Variants in GMDS observed in about 807,000 individuals in gnomAD.
The protein encoded by GMDS is GDP-mannose 4,6 dehydratase.
Under a neutral mutation model 49.9 loss-of-function variants are expected in GMDS, and 20 were observed. The ratio of observed to expected loss-of-function variants is 0.40; its 90% CI spans 0.28 to 0.58. The LOEUF is 0.58. Ranked by LOEUF, GMDS falls within the 20% of genes least tolerant of loss-of-function variation. The pLI, the probability that GMDS is intolerant of heterozygous loss-of-function variation, is 0.42. For synonymous variants in GMDS, 177 were observed against 178.6 expected (o/e 0.99, Z 0.07); for missense variants, 362 against 481.4 (o/e 0.75, Z 2.32).
intron 9 of GMDS, among the ~76,000 whole-genome samples, chr6:1,629,965 T>C (rs974337996): frequency 3.3e-5 from 5 of 152,208 alleles, no homozygotes; most frequent in African/African-American, 1.2e-4. Flanking sequence ...ATATGCCTAC[T>C]TGTCAATAAA....
chr6:2,052,966 A>C lies in GMDS; in HGVS notation c.345+62805T>G, dbSNP rs577803632. The stretch of plus-strand genomic sequence containing the variant: ...AGCTTATAAACTTCTCATCGTTAGG[A>C]AACTTTTAGCTAAGTTTTTTCTGCT... On this transcript the variant is annotated intron_variant, in intron 4 of 10. Transcript: ENST00000380815. Among the ~76,000 whole-genome samples the C allele has an allele frequency of 1.2e-4, 19 of 152,338 alleles. No individual in the cohort carries two copies. The South Asian group carries it at 3.9e-3, about 32-fold the overall frequency.
chr6:2,180,156 C>T lies in GMDS; in HGVS notation c.103-55425G>A, dbSNP rs183107722. ...AGAGGACTAGCAACTGGCTGGCTAC[C>T]ACCATAGGCATAGACACCAGAGGTT... On this transcript the variant is annotated intron_variant, in intron 1 of 10. Transcript: ENST00000380815. Among the ~76,000 whole-genome samples the T allele has an allele frequency of 2.0e-5, 3 of 152,248 alleles. No homozygotes were observed. The East Asian group carries it at 5.8e-4, about 29-fold the overall frequency.
At chr6:1,740,722 A>C (rs1008308971) in intron 8 of GMDS, among the ~76,000 whole-genome samples, 4 of 152,192 alleles carry the variant, frequency 2.6e-5, no homozygotes, top group Admixed American at 6.5e-5. Context: ...TCTTCTTTAA[A>C]AAATAAAATA....
chr6:2,013,986 G>C (rs1283046409), intron 4 of GMDS, among the ~76,000 whole-genome samples: 2 of 136,448 alleles, frequency 1.5e-5, no homozygotes, highest in African/African-American at 2.9e-5. Flanking sequence ...AAAAACCAAA[G>C]AGAAAGAGAG....
chr6:2,186,607 A>C (rs1443652669), intron 1 of GMDS, among the ~76,000 whole-genome samples: 1 of 152,220 alleles, frequency 6.6e-6, no homozygotes, highest in Non-Finnish European at 1.5e-5. Flanking sequence ...AGCTGCCTTC[A>C]AGCATTTGCT....
At chr6:1,834,823 G>C (rs1756849560) in intron 7 of GMDS, among the ~76,000 whole-genome samples, 1 of 152,092 alleles carries the variant, frequency 6.6e-6, no homozygotes, top group African/African-American at 2.4e-5. Context: ...AACCCTGTTT[G>C]TTCCGTCCCC....
In GMDS at chr6:2,061,120, T is replaced by A. The variant is rs189028686; in HGVS notation, c.345+54651A>T. On this transcript the variant is annotated intron_variant, in intron 4 of 10. Coordinates refer to ENST00000380815, the MANE Select transcript of GMDS (RefSeq NM_001500.4). ...GTGAGGCAGGAGCACGGTTGCTGTG[T>A]CCTGGGTCTGCAAGAAGGCCAGTGT... is the stretch of plus-strand genomic sequence containing the variant. 2.5e-3 allele frequency among the ~76,000 whole-genome samples: 378 copies of A among 152,136 alleles called. 1 individual carries two copies. The highest frequency in any genetic ancestry group is 8.8e-3 in the African/African-American group (366 of 41,516).
intron 9 of GMDS, among the ~76,000 whole-genome samples, chr6:1,703,149 A>G (rs9378306): frequency 0.093 from 14,195 of 152,188 alleles, 1,133 homozygotes; most frequent in East Asian, 0.39. Context: ...TGTGTGAAAC[A>G]GAGGAGTTCC....
chr6:1,661,249 CCT>C (rs1298497103), intron 9 of GMDS, among the ~76,000 whole-genome samples: 1 of 152,050 alleles, frequency 6.6e-6, no homozygotes, highest in Non-Finnish European at 1.5e-5. Context: ...GCCATAGATC[CCT>C]GAGTGGATTG....
intron 1 of GMDS, among the ~76,000 whole-genome samples, chr6:2,168,600 T>A (rs967594984): frequency 6.6e-6 from 1 of 152,178 alleles, no homozygotes; most frequent in African/African-American, 2.4e-5. Flanking sequence ...AACCACAAAT[T>A]TAGATTTCTA....
chr6:2,135,267 C>T (rs1775935626), intron 1 of GMDS, among the ~76,000 whole-genome samples: 1 of 152,176 alleles, frequency 6.6e-6, no homozygotes, highest in African/African-American at 2.4e-5. Flanking sequence ...CAATAATCCA[C>T]TATCAAAAGC....
At chr6:1,693,543 A>G (rs1042385901) in intron 9 of GMDS, among the ~76,000 whole-genome samples, 3 of 152,144 alleles carry the variant, frequency 2.0e-5, no homozygotes, top group African/African-American at 7.2e-5. Flanking sequence ...CCGTTGCCTG[A>G]CATCCAGTGT....
intron 4 of GMDS, among the ~76,000 whole-genome samples, chr6:2,048,785 T>C (rs541869404): frequency 5.9e-5 from 9 of 152,258 alleles, no homozygotes; most frequent in Non-Finnish European, 1.3e-4. Flanking sequence ...ACAGCATATT[T>C]TCAAATTTTT....
intron 9 of GMDS, among the ~76,000 whole-genome samples, chr6:1,693,718 A>C (rs879300783): frequency 8.5e-5 from 13 of 152,132 alleles, no homozygotes; most frequent in Admixed American, 7.9e-4. Flanking sequence ...GCAAGGGTTG[A>C]CTTTGGATTA....
At chr6:1,763,413 C>A (rs1459751466) in intron 7 of GMDS, among the ~76,000 whole-genome samples, 2 of 152,188 alleles carry the variant, frequency 1.3e-5, no homozygotes, top group African/African-American at 4.8e-5. Context: ...GGAGATAAAA[C>A]CCCAGCGTCT....
chr6:2,182,574 GC>G (rs1443447611), intron 1 of GMDS, among the ~76,000 whole-genome samples: 11 of 152,136 alleles, frequency 7.2e-5, no homozygotes, highest in African/African-American at 2.2e-4. Flanking sequence ...AAATTATAAG[GC>G]CCTTAAGAAT....
chr6:1,647,119 AT>A (rs1763509815), intron 9 of GMDS, among the ~76,000 whole-genome samples: 1 of 152,224 alleles, frequency 6.6e-6, no homozygotes, highest in South Asian at 2.1e-4. Flanking sequence ...GAAGAACTCC[AT>A]CCCCTCCCAG....
intron 9 of GMDS, among the ~76,000 whole-genome samples, chr6:1,681,042 A>C (rs1048952347): frequency 1.3e-5 from 2 of 152,098 alleles, no homozygotes; most frequent in African/African-American, 4.8e-5. Flanking sequence ...TCTCACATAC[A>C]TCGAATATAC....
chr6:1,999,320 CAAAA>C (rs61018439), intron 4 of GMDS, among the ~76,000 whole-genome samples: 59 of 86,770 alleles, frequency 6.8e-4, no homozygotes, highest in Middle Eastern at 6.2e-3. Flanking sequence ...GACTCTGTCT[CAAAA>C]AAAAAAAAAA....
Sources: allele counts gnomAD v4.1 joint callset (sites outside exome capture counted in the v4.1 genomes callset), GRCh38; gene constraint gnomAD v4.1.1; transcripts MANE v1.5; gene names NCBI Gene and HGNC (gene_info 2026-07-23, HGNC 2026-07-21).